The following ANP32B variants were observed in gnomAD, a reference collection of about 807,000 sequenced individuals.
The protein encoded by ANP32B is acidic nuclear phosphoprotein 32 family member B.
Under a neutral mutation model 32.2 loss-of-function variants are expected in ANP32B, and 6 were observed. The observed-to-expected ratio is 0.19, with a 90% CI of 0.10 to 0.37. The LOEUF is 0.37. Among genes scored for constraint, ANP32B ranks in the 10% least tolerant of loss-of-function variants. ANP32B has a pLI of 1.00. For synonymous variants in ANP32B, 98 were observed against 105.8 expected, an observed-to-expected ratio of 0.93 and a Z score of 0.45; for missense variants, 204 against 289.2, an observed-to-expected ratio of 0.71 and a Z score of 2.14.
chr9:97,990,221 G>C (rs1001889215), intron 1 of ANP32B, among the ~76,000 whole-genome samples: 33 of 152,178 alleles, frequency 2.2e-4, no homozygotes, highest in African/African-American at 8.0e-4. Context: ...TTATCACTGA[G>C]TGTGAGTGCA....
chr9:97,984,158 G>T (rs1012465740), intron 1 of ANP32B, among the ~76,000 whole-genome samples: 1 of 150,454 alleles, frequency 6.6e-6, no homozygotes, highest in African/African-American at 2.4e-5. Flanking sequence ...GCGAGGAGGG[G>T]GCTTTTTTCT....
chr9:97,995,556 G>A (rs1185903155), intron 2 of ANP32B, among the ~76,000 whole-genome samples: 3 of 152,122 alleles, frequency 2.0e-5, no homozygotes, highest in Non-Finnish European at 4.4e-5. Context: ...GTTCTGAGTG[G>A]GACAGTTAGT....
intron 4 of ANP32B, 118 bp downstream of exon 4, chr9:98,005,271 C>T: frequency 1.0e-6 from 1 of 964,552 alleles, no homozygotes; most frequent in Non-Finnish European, 1.5e-6. Context: ...CTTTGGGTGG[C>T]CGAGGCAGGG....
intron 3 of ANP32B, among the ~76,000 whole-genome samples, chr9:98,000,582 T>C (rs533936596): frequency 7.4e-4 from 112 of 152,224 alleles, no homozygotes; most frequent in African/African-American, 2.6e-3. Context: ...AAGCTGAGTT[T>C]AGAGAATGTA....
chr9:97,995,754 C>T (rs1431229670), intron 2 of ANP32B, among the ~76,000 whole-genome samples: 1 of 151,872 alleles, frequency 6.6e-6, no homozygotes, highest in South Asian at 2.1e-4. Flanking sequence ...AACCCCATCT[C>T]TACTAAAAAT....
At chr9:98,004,942 G>T in intron 3 of ANP32B, 22 bp from the exon 4 acceptor site, 1 of 1,587,328 alleles carries the variant, frequency 6.3e-7, no homozygotes, top group Non-Finnish European at 8.6e-7. Flanking sequence ...TAGGAGTTGT[G>T]GTTTTTGATC....
chr9:98,011,293 G>A lies in ANP32B; in HGVS notation c.540G>A (p.Glu180=), dbSNP rs61757703. 2.9e-4 allele frequency: 449 copies of A among 1,549,858 alleles called. 2 individuals carry two copies. In the African/African-American group the frequency reaches 5.2e-3, roughly 18 times the overall value. The change falls in exon 5 of 7, where the codon GAG becomes GAA. Residue 180 remains glutamate (E), a synonymous_variant. Coordinates refer to ENST00000339399, the MANE Select transcript of ANP32B (RefSeq NM_006401.3). ...TAGAAGGAGAAGATGAGGAAGACGAGGACGATGAGGATGGTGAAGAAGAGG... is the reference window on the plus strand; with the variant it reads ...TAGAAGGAGAAGATGAGGAAGACGAAGACGATGAGGATGGTGAAGAAGAGG... ...EDEEGEDEED[E]DDEDGEEEEF... is the part of the protein sequence containing the mutation.
chr9:97,986,111 G>C (rs55699419), intron 1 of ANP32B, among the ~76,000 whole-genome samples: 36,242 of 151,960 alleles, frequency 0.24, 4,670 homozygotes, highest in Non-Finnish European at 0.29. Context: ...GTGAGCCACC[G>C]CCCCCGGCCA....
rs1161934000 is a variant in ANP32B at position 97,994,529 on chromosome 9, ATATG to A, written c.55-101_55-98del. 5 of 1,154,530 alleles carry A rather than the reference ATATG, an allele frequency of 4.3e-6. No homozygotes were observed. The African/African-American group carries it at 6.2e-5, about 14-fold the overall frequency. 71.5% of individuals were successfully genotyped at this position (1,154,530 alleles called of 1,614,324 possible). On this transcript the variant is annotated intron_variant, in intron 1 of 6. Coordinates refer to ENST00000339399, the MANE Select transcript of ANP32B (RefSeq NM_006401.3). ...GGTCTAAGTAAGAGGCTGCCTGTAT[ATATG>A]GGTGTTTTTGCAGGATATTTATGGT...
At position 98,015,868 on chromosome 9, in the gene ANP32B, A is replaced by G. The variant is rs372146826; in HGVS notation, c.*437A>G. On this transcript the variant is annotated 3_prime_UTR_variant, in exon 7 of 7. Coordinates refer to ENST00000339399, the MANE Select transcript of ANP32B (RefSeq NM_006401.3). ...TTATTATTATTATTTTTTTTACATT[A>G]GGACATTTTATGTGACAACTGCCAA... The G allele has an allele frequency of 5.2e-6, 5 of 962,936 alleles. No homozygotes were observed. The East Asian group carries it at 4.6e-4, about 89-fold the overall frequency. 59.6% of individuals were successfully genotyped at this position (962,936 alleles called of 1,614,324 possible). A position where few individuals can be genotyped will look rare whatever the true frequency, so the allele number is the denominator to read the frequency against.
chr9:98,015,788 T>G lies in ANP32B; in HGVS notation c.*357T>G, dbSNP rs1828270820. 3 of 990,174 alleles carry G rather than the reference T, an allele frequency of 3.0e-6. No individual in the cohort carries two copies. The highest frequency in any genetic ancestry group is 3.6e-6 in the Non-Finnish European group (3 of 832,720). The allele number at this position is 990,174 out of a possible 1,614,324, so 61.3% of individuals were successfully genotyped here. A position where few individuals can be genotyped will look rare whatever the true frequency, so the allele number is the denominator to read the frequency against. Reference sequence around the variant, plus strand: ...TTTACTTTCTGTACAACAAAAAAGCTTTGTAAATAAAATCTTAACATTTTG... The same window carrying G: ...TTTACTTTCTGTACAACAAAAAAGCGTTGTAAATAAAATCTTAACATTTTG... On this transcript the variant is annotated 3_prime_UTR_variant, in exon 7 of 7. Transcript: ENST00000339399.
intron 1 of ANP32B, among the ~76,000 whole-genome samples, chr9:97,988,259 C>G (rs1310380119): frequency 6.6e-6 from 1 of 152,064 alleles, no homozygotes; most frequent in Non-Finnish European, 1.5e-5. Context: ...GGGATTTTGG[C>G]TGTTTTAAAT....
intron 1 of ANP32B, among the ~76,000 whole-genome samples, chr9:97,988,534 G>A (rs1472178921): frequency 2.0e-5 from 3 of 152,038 alleles, no homozygotes; most frequent in Non-Finnish European, 4.4e-5. Flanking sequence ...AGACCAGACC[G>A]GGCAACATGG....
intron 1 of ANP32B, among the ~76,000 whole-genome samples, chr9:97,985,181 GCTAAGC>G (rs1252978805): frequency 6.6e-6 from 1 of 151,956 alleles, no homozygotes; most frequent in Non-Finnish European, 1.5e-5. Context: ...CCCGCTCTGG[GCTAAGC>G]GAGCGGCCAG....
intron 1 of ANP32B, among the ~76,000 whole-genome samples, chr9:97,992,081 C>T (rs531782664): frequency 6.6e-6 from 1 of 152,180 alleles, no homozygotes; most frequent in Admixed American, 6.5e-5. Context: ...CTTAGTCTAG[C>T]GGTGACTTTT....
intron 1 of ANP32B, among the ~76,000 whole-genome samples, chr9:97,992,277 A>G (rs1827841006): frequency 6.6e-6 from 1 of 151,954 alleles, no homozygotes; most frequent in African/African-American, 2.4e-5. Context: ...TTTAGTAGAG[A>G]TGGGGTTTCA....
At chr9:98,008,432 A>T (rs1009551985) in intron 4 of ANP32B, among the ~76,000 whole-genome samples, 2 of 152,232 alleles carry the variant, frequency 1.3e-5, no homozygotes, top group Non-Finnish European at 2.9e-5. Flanking sequence ...TTTATGAATA[A>T]GCCAGGTCAA....
At chr9:98,012,756 A>C (rs750633880) in intron 6 of ANP32B, among the ~76,000 whole-genome samples, 8 of 152,032 alleles carry the variant, frequency 5.3e-5, no homozygotes, top group Non-Finnish European at 1.0e-4. Flanking sequence ...TTTGAGACGG[A>C]ATCTCGCTCT....
At chr9:98,006,931 TG>T (rs1828095019) in intron 4 of ANP32B, among the ~76,000 whole-genome samples, 1 of 151,536 alleles carries the variant, frequency 6.6e-6, no homozygotes, top group African/African-American at 2.4e-5. Flanking sequence ...GAGGTTGCAG[TG>T]AGCCGAGATT....
Sources: gnomAD v4.1 joint callset for allele counts (sites outside exome capture counted in the v4.1 genomes callset) on GRCh38, gnomAD v4.1.1 for gene constraint, MANE v1.5 for transcripts, NCBI Gene and HGNC (gene_info 2026-07-23, HGNC 2026-07-21) for gene names.